The following DACH2 variants were observed in gnomAD, a reference collection of about 807,000 sequenced individuals.
DACH2 encodes dachshund homolog 2.
Under a neutral mutation model 35.8 loss-of-function variants are expected in DACH2, and 17 were observed. The observed-to-expected ratio is 0.48, with a 90% CI of 0.33 to 0.71. DACH2 has a LOEUF of 0.71. Among genes scored for constraint, DACH2 ranks in the 30% least tolerant of loss-of-function variants. The pLI, the probability that DACH2 is intolerant of heterozygous loss-of-function variation, is 0.02. For synonymous variants in DACH2, 195 were observed against 177.3 expected (o/e 1.10, Z -0.79); for missense variants, 469 against 472.7 (o/e 0.99, Z 0.07).
At chrX:86,471,976 C>T (rs2037767685) in intron 2 of DACH2, among the ~76,000 whole-genome samples, 1 of 112,022 alleles carries the variant, frequency 8.9e-6, no homozygotes, top group Admixed American at 9.5e-5. Flanking sequence ...TATTTGAAAA[C>T]ATCATGTTGT....
intron 7 of DACH2, among the ~76,000 whole-genome samples, chrX:86,762,914 A>G (rs12011761): frequency 0.066 from 7,342 of 111,317 alleles, 572 homozygotes; most frequent in African/African-American, 0.23. Flanking sequence ...TATTCCTTCT[A>G]TTTTTTGTAC....
Position 86,160,421 on chromosome X carries a change from G to A in DACH2, c.488+11313G>A, listed in dbSNP as rs139349768. ...GTTGCCAGGAACCATATCAATGATG[G>A]CAGCATCACCGGACTTCAAGAATTT... On this transcript the variant is annotated intron_variant, in intron 1 of 11. Coordinates refer to ENST00000373125, the MANE Select transcript of DACH2 (RefSeq NM_053281.3). 4,240 of 546,759 alleles carry A rather than the reference G, an allele frequency of 7.8e-3. 22 individuals are homozygous for A. Among genetic ancestry groups the A allele is most frequent in the Non-Finnish European group, 0.011 (3,290 of 309,520 alleles). The allele number at this position is 546,759 out of a possible 1,213,427, so 45.1% of individuals were successfully genotyped here. A position where few individuals can be genotyped will look rare whatever the true frequency, so the allele number is the denominator to read the frequency against.
chrX:86,452,727 G>T (rs961898548), intron 2 of DACH2, among the ~76,000 whole-genome samples: 1 of 110,749 alleles, frequency 9.0e-6, no homozygotes, highest in Non-Finnish European at 1.9e-5. Context: ...TATTAGTCTA[G>T]CTAGTGGTAT....
chrX:86,706,646 C>T (rs1283185144), intron 5 of DACH2, among the ~76,000 whole-genome samples: 1 of 110,483 alleles, frequency 9.1e-6, no homozygotes, highest in African/African-American at 3.3e-5. Context: ...ACAAAGTATG[C>T]TCTCAGTCAT....
chrX:86,349,176 G>A (rs1270415882), intron 1 of DACH2, among the ~76,000 whole-genome samples: 7 of 111,759 alleles, frequency 6.3e-5, no homozygotes, highest in Non-Finnish European at 9.4e-5. Flanking sequence ...TCTCTGCGAG[G>A]TGGATGGGGA....
intron 2 of DACH2, among the ~76,000 whole-genome samples, chrX:86,426,819 G>A (rs1449647151): frequency 1.8e-5 from 2 of 111,621 alleles, no homozygotes; most frequent in African/African-American, 3.2e-5. Context: ...TATTCACCAA[G>A]TGGAATTTAA....
At chrX:86,329,368 G>T (rs1487332877) in intron 1 of DACH2, among the ~76,000 whole-genome samples, 2 of 110,980 alleles carry the variant, frequency 1.8e-5, no homozygotes, top group Non-Finnish European at 3.8e-5. Flanking sequence ...GTGGAAGAGT[G>T]AAATAATTAC....
Position 86,271,531 on chromosome X carries a change from G to T in DACH2, c.489-105293G>T, listed in dbSNP as rs531892066. ...ATTAGAAATGTAAAGAATCTGAGACGTGAAAGATGAGTAGGAATTGGTTGA... is the reference window on the plus strand; with the variant it reads ...ATTAGAAATGTAAAGAATCTGAGACTTGAAAGATGAGTAGGAATTGGTTGA... On this transcript the variant is annotated intron_variant, in intron 1 of 11. Coordinates refer to ENST00000373125, the MANE Select transcript of DACH2 (RefSeq NM_053281.3). Among the ~76,000 whole-genome samples the T allele has an allele frequency of 1.3e-4, 14 of 111,820 alleles. No individual in the cohort carries two copies. The South Asian group carries it at 4.4e-3, about 35-fold the overall frequency.
intron 1 of DACH2, among the ~76,000 whole-genome samples, chrX:86,242,382 A>G (rs1235119762): frequency 8.9e-6 from 1 of 112,107 alleles, no homozygotes; most frequent in African/African-American, 3.2e-5. Flanking sequence ...TCAGACTTGC[A>G]TGAAGCCTAT....
intron 1 of DACH2, among the ~76,000 whole-genome samples, chrX:86,296,304 C>G (rs1450926998): frequency 3.0e-5 from 3 of 99,779 alleles, no homozygotes; most frequent in Non-Finnish European, 6.0e-5. Context: ...TGGCGTGAAC[C>G]CTGGAGGCGG....
Position 86,289,217 on chromosome X carries a change from C to G in DACH2, c.489-87607C>G, listed in dbSNP as rs1233883550. ...CTGGAAAGGGTGCCTCATGACTGAC[C>G]AGTGCCCTATTCTGCTGTGGCTGAG... On this transcript the variant is annotated intron_variant, in intron 1 of 11. Transcript: ENST00000373125. 3.7e-5 allele frequency among the ~76,000 whole-genome samples: 4 copies of G among 106,956 alleles called. No individual in the cohort carries two copies. In the East Asian group the frequency reaches 1.2e-3, roughly 32 times the overall value. 92.9% of individuals were successfully genotyped at this position (106,956 alleles called of 115,157 possible). A position where few individuals can be genotyped will look rare whatever the true frequency, so the allele number is the denominator to read the frequency against.
rs1034679361 is a variant in DACH2, at chrX:86,310,345, A to G, written c.489-66479A>G. On this transcript the variant is annotated intron_variant, in intron 1 of 11. Coordinates refer to ENST00000373125, the MANE Select transcript of DACH2 (RefSeq NM_053281.3). ...ACATGAGGAAGTAGCTTAAATGCCCATGGTCTTTTCACCCCAGCCACCCTG... is the reference window on the plus strand; with the variant it reads ...ACATGAGGAAGTAGCTTAAATGCCCGTGGTCTTTTCACCCCAGCCACCCTG... Among the ~76,000 whole-genome samples the G allele has an allele frequency of 3.6e-5, 4 of 111,681 alleles. No homozygotes were observed. In the Admixed American group the frequency reaches 3.8e-4, roughly 11 times the overall value.
intron 1 of DACH2, among the ~76,000 whole-genome samples, chrX:86,178,302 C>T (rs2031371173): frequency 9.0e-6 from 1 of 111,492 alleles, no homozygotes; most frequent in South Asian, 3.7e-4. Context: ...GAACTTTTAT[C>T]TGCAGACAGC....
intron 4 of DACH2, among the ~76,000 whole-genome samples, chrX:86,692,132 C>T (rs1259070783): frequency 3.6e-5 from 4 of 111,546 alleles, no homozygotes; most frequent in African/African-American, 6.5e-5. Flanking sequence ...CTCAGCCGCT[C>T]GATTCATATA....
chrX:86,515,525 G>A (rs935787051), intron 3 of DACH2, among the ~76,000 whole-genome samples: 1 of 111,142 alleles, frequency 9.0e-6, no homozygotes, highest in East Asian at 2.9e-4. Flanking sequence ...ACTTATAGGT[G>A]ATGTGGTTGG....
intron 1 of DACH2, among the ~76,000 whole-genome samples, chrX:86,207,575 T>C (rs1240706414): frequency 9.0e-6 from 1 of 111,103 alleles, no homozygotes; most frequent in Non-Finnish European, 1.9e-5. Context: ...AAAATAAAAA[T>C]AAAAAACAGA....
chrX:86,411,466 A>G (rs1166365898), intron 2 of DACH2, among the ~76,000 whole-genome samples: 1 of 110,764 alleles, frequency 9.0e-6, no homozygotes, highest in East Asian at 2.9e-4. Flanking sequence ...ACCCATACAC[A>G]TCTTCTGAAA....
chrX:86,605,283 T>TA (rs981544996), intron 3 of DACH2, among the ~76,000 whole-genome samples: 1 of 111,378 alleles, frequency 9.0e-6, no homozygotes, highest in East Asian at 2.8e-4. Flanking sequence ...AACCCCCCTT[T>TA]AAAAAAACAT....
intron 1 of DACH2, among the ~76,000 whole-genome samples, chrX:86,368,564 CTTTT>C (rs11446638): frequency 3.6e-5 from 3 of 84,330 alleles, no homozygotes; most frequent in Non-Finnish European, 2.3e-5. Context: ...CTTTCTTCTT[CTTTT>C]TTTTTTTTTT....
Sources: allele counts gnomAD v4.1 joint callset (sites outside exome capture counted in the v4.1 genomes callset), GRCh38; gene constraint gnomAD v4.1.1; transcripts MANE v1.5; gene names NCBI Gene and HGNC (gene_info 2026-07-23, HGNC 2026-07-21).